KAZN: variants seen among roughly 807,000 people sequenced by gnomAD.
KAZN encodes the protein kazrin, periplakin interacting protein.
A neutral mutation model predicts 87.4 loss-of-function variants in KAZN; 40 were observed. That is an observed-to-expected ratio of 0.46 (90% confidence interval 0.36 to 0.60). The LOEUF is 0.60. KAZN is among the 20% of genes least tolerant of loss of function. The probability of loss-of-function intolerance (pLI) is 0.00; values close to 1 mark genes in which losing one functional copy is unlikely to be tolerated. For synonymous variants in KAZN, 466 were observed against 458.3 expected, an observed-to-expected ratio of 1.02 and a Z score of -0.22; for missense variants, 898 against 1,073.9, an observed-to-expected ratio of 0.84 and a Z score of 2.29.
At chr1:14,912,672 T>C (rs1322634440) in intron 1 of KAZN, among the ~76,000 whole-genome samples, 1 of 152,192 alleles carries the variant, frequency 6.6e-6, no homozygotes, top group African/African-American at 2.4e-5. Context: ...TGAACCACCA[T>C]GCCCAGCCTA....
chr1:15,081,716 C>T lies in KAZN; in HGVS notation c.1223-12464C>T, dbSNP rs1640012836. ...CAGAGGAAAGTGACAGGCCGCTGTTCAGGCCAAGGGAACGGCAGGTGCAGG... is the reference window on the plus strand; with the variant it reads ...CAGAGGAAAGTGACAGGCCGCTGTTTAGGCCAAGGGAACGGCAGGTGCAGG... On this transcript the variant is annotated intron_variant, in intron 8 of 14. Transcript: ENST00000376030. This position sits in a 1 kb window ranked among gnomAD's most constrained non-coding sequence, Gnocchi z 4.1. 1.3e-5 allele frequency among the ~76,000 whole-genome samples: 2 copies of T among 152,132 alleles called. No individual in the cohort carries two copies. The highest frequency in any genetic ancestry group is 1.3e-4 in the Admixed American group (2 of 15,272).
rs72870372 is a variant in KAZN at position 14,876,583 on chromosome 1, T to C, written c.227-84101T>C. On this transcript the variant is annotated intron_variant, in intron 1 of 14. Transcript: ENST00000376030. ...GAGCTGGACTGCCTGGATTCAAGTC[T>C]CACTCTGCCCCTTACCAGCTCTGTG... is the stretch of plus-strand genomic sequence containing the variant. 3.4e-3 allele frequency among the ~76,000 whole-genome samples: 512 copies of C among 152,278 alleles called. 3 individuals carry two copies. Among genetic ancestry groups the C allele is most frequent in the African/African-American group, 0.012 (485 of 41,558 alleles).
At chr1:14,755,206 C>T (rs1383272937) in intron 1 of KAZN, among the ~76,000 whole-genome samples, 1 of 151,974 alleles carries the variant, frequency 6.6e-6, no homozygotes, top group African/African-American at 2.4e-5. Context: ...TGAGCCAAGA[C>T]TGTGCAACTG....
intron 1 of KAZN, among the ~76,000 whole-genome samples, chr1:14,615,089 C>T (rs1020307779): frequency 6.6e-6 from 1 of 152,218 alleles, no homozygotes; most frequent in Admixed American, 6.6e-5. Context: ...TCACAAGTCT[C>T]CAGTATCCCT....
At chr1:14,057,354 C>T (rs1004869140) in intron 1 of KAZN, among the ~76,000 whole-genome samples, 23 of 152,052 alleles carry the variant, frequency 1.5e-4, no homozygotes, top group African/African-American at 4.6e-4. Flanking sequence ...AGGCTGGTCT[C>T]GAACTCCTGA....
At position 14,461,941 on chromosome 1, in the gene KAZN, C is replaced by T. The variant is rs113999781; in HGVS notation, c.250-137042C>T. Among the ~76,000 whole-genome samples, 1,414 of 151,818 alleles carry T rather than the reference C, an allele frequency of 9.3e-3. 34 individuals are homozygous for T. Among genetic ancestry groups the T allele is most frequent in the African/African-American group, 0.033 (1,348 of 41,354 alleles). On this transcript the variant is annotated intron_variant, in intron 2 of 16. Transcript: ENST00000636203. ...TTGGGAAAACAAAAATATGAATTCT[C>T]TCCTGGGTGATATGGTTTGGCTGTG... is the stretch of plus-strand genomic sequence containing the variant.
At chr1:14,637,106 G>A (rs149073053) in intron 1 of KAZN, among the ~76,000 whole-genome samples, 7 of 152,252 alleles carry the variant, frequency 4.6e-5, no homozygotes, top group South Asian at 4.1e-4. Flanking sequence ...GTGGTTGGCC[G>A]TTGCATATTC....
chr1:14,117,959 AGGT>A (rs1377683390), intron 1 of KAZN, among the ~76,000 whole-genome samples: 2 of 152,188 alleles, frequency 1.3e-5, no homozygotes, highest in African/African-American at 4.8e-5. Context: ...ATTTACAGAA[AGGT>A]TTCCCACATG....
At chr1:14,151,541 C>G (rs1645474095) in intron 1 of KAZN, among the ~76,000 whole-genome samples, 1 of 152,196 alleles carries the variant, frequency 6.6e-6, no homozygotes, top group Admixed American at 6.5e-5. Flanking sequence ...GTGTCTCCAG[C>G]TCTCATGCTA....
intron 2 of KAZN, among the ~76,000 whole-genome samples, chr1:14,398,197 C>A (rs1027141330): frequency 6.6e-6 from 1 of 152,188 alleles, no homozygotes; most frequent in Non-Finnish European, 1.5e-5. Flanking sequence ...GTTGGTTATG[C>A]AACAATAGCT....
chr1:13,990,833 T>G (rs1639246784), intron 1 of KAZN, among the ~76,000 whole-genome samples: 1 of 152,134 alleles, frequency 6.6e-6, no homozygotes, highest in Non-Finnish European at 1.5e-5. Flanking sequence ...GCAATAAATG[T>G]TAATTGTAGA....
chr1:13,936,983 T>G (rs532007965), intron 1 of KAZN, among the ~76,000 whole-genome samples: 1 of 152,180 alleles, frequency 6.6e-6, no homozygotes, highest in Non-Finnish European at 1.5e-5. Context: ...TGTATGTTTT[T>G]TGGCCACTTG....
intron 1 of KAZN, among the ~76,000 whole-genome samples, chr1:14,034,825 C>T (rs1343899180): frequency 6.6e-6 from 1 of 152,172 alleles, no homozygotes; most frequent in Admixed American, 6.5e-5. Flanking sequence ...GGAATGAGGC[C>T]TGGCTCAGCT....
In KAZN at chr1:15,057,603, T is replaced by C. The variant is rs555842771; in HGVS notation, c.916+1323T>C. Among the ~76,000 whole-genome samples the C allele has an allele frequency of 2.6e-5, 4 of 152,288 alleles. No homozygotes were observed. The South Asian group carries it at 8.3e-4, about 32-fold the overall frequency. On this transcript the variant is annotated intron_variant, in intron 5 of 14. Coordinates refer to ENST00000376030, the MANE Select transcript of KAZN (RefSeq NM_201628.3). ...CTGACCCAAGGTGGTGTGACTTTTT[T>C]GGGGTAAGCGTGGGCAGCTCTGGCC...
chr1:14,513,962 A>G (rs1345834000), intron 2 of KAZN, among the ~76,000 whole-genome samples: 3 of 151,988 alleles, frequency 2.0e-5, no homozygotes, highest in Non-Finnish European at 4.4e-5. Flanking sequence ...GATACTACAT[A>G]TTTAACCATT....
chr1:14,969,266 T>C (rs1240347027), intron 2 of KAZN, among the ~76,000 whole-genome samples: 1 of 152,242 alleles, frequency 6.6e-6, no homozygotes, highest in African/African-American at 2.4e-5. Flanking sequence ...TACTTGATGT[T>C]TCCTGTGTCC....
At chr1:14,002,017 A>G (rs1441013893) in intron 1 of KAZN, among the ~76,000 whole-genome samples, 2 of 152,248 alleles carry the variant, frequency 1.3e-5, no homozygotes, top group Non-Finnish European at 2.9e-5. Flanking sequence ...TAATTAAACT[A>G]AAGAACTTCT....
chr1:14,817,680 T>C (rs531895119), intron 1 of KAZN, among the ~76,000 whole-genome samples: 1 of 152,178 alleles, frequency 6.6e-6, no homozygotes, highest in Non-Finnish European at 1.5e-5. Context: ...AAATTAAAAG[T>C]ACATATAACA....
At chr1:14,829,950 C>G (rs1647007461) in intron 1 of KAZN, among the ~76,000 whole-genome samples, 1 of 152,208 alleles carries the variant, frequency 6.6e-6, no homozygotes, top group South Asian at 2.1e-4. Context: ...TAGCCACTAG[C>G]CCCCACTAGC....
Sources: allele counts gnomAD v4.1 joint callset (sites outside exome capture counted in the v4.1 genomes callset), GRCh38; gene constraint gnomAD v4.1.1; non-coding constraint Gnocchi (gnomAD v3.1); transcripts MANE v1.5; gene names NCBI Gene and HGNC (gene_info 2026-07-23, HGNC 2026-07-21).